Variants in CASK observed in about 807,000 individuals in gnomAD.
CASK encodes peripheral plasma membrane protein CASK.
Under a neutral mutation model 82.9 loss-of-function variants are expected in CASK, and 4 were observed. That is an observed-to-expected ratio of 0.05 (90% CI 0.02 to 0.11). CASK has a LOEUF of 0.11. Among genes scored for constraint, CASK ranks in the 10% least tolerant of loss-of-function variants. The pLI is 1.00. For missense variants in CASK, 358 were observed against 720.9 expected (o/e 0.50, Z 5.76); for synonymous variants, 259 against 253.5 (o/e 1.02, Z -0.20).
chrX:41,811,743 C>G (rs1393874282), intron 2 of CASK, among the ~76,000 whole-genome samples: 1 of 111,466 alleles, frequency 9.0e-6, no homozygotes, highest in Non-Finnish European at 1.9e-5. Flanking sequence ...AAGATCAGAG[C>G]AGAACTAAAG....
intron 15 of CASK, among the ~76,000 whole-genome samples, chrX:41,576,438 C>G (rs2065487426): frequency 9.0e-6 from 1 of 111,027 alleles, no homozygotes; most frequent in South Asian, 3.8e-4. Flanking sequence ...ACCTTCCTGC[C>G]TCTCCAACAC....
At chrX:41,642,410 G>T (rs1318208154) in intron 8 of CASK, among the ~76,000 whole-genome samples, 1 of 111,828 alleles carries the variant, frequency 8.9e-6, no homozygotes, top group Non-Finnish European at 1.9e-5. Context: ...AGCACCTGTT[G>T]TTTCCTGACT....
Position 41,909,238 on chromosome X carries a change from A to T in CASK, c.59+13692T>A, listed in dbSNP as rs770556827. On this transcript the variant is annotated intron_variant, in intron 1 of 26. Transcript: ENST00000378163. ...CACACTTTGAAAACCACTGATCTAAACCTCACTGACTAAACAGGATGTTCA... is the reference window on the plus strand; with the variant it reads ...CACACTTTGAAAACCACTGATCTAATCCTCACTGACTAAACAGGATGTTCA... 8.4e-4 allele frequency among the ~76,000 whole-genome samples: 94 copies of T among 112,182 alleles called. 1 individual carries two copies. The highest frequency in any genetic ancestry group is 4.3e-3 in the Admixed American group (46 of 10,600).
intron 2 of CASK, among the ~76,000 whole-genome samples, chrX:41,830,986 T>C (rs193072568): frequency 9.0e-5 from 10 of 110,892 alleles, no homozygotes; most frequent in African/African-American, 3.3e-4. Flanking sequence ...GTTTATCAAC[T>C]GTCACACTGT....
intron 8 of CASK, among the ~76,000 whole-genome samples, chrX:41,642,515 C>T (rs2066676841): frequency 8.9e-6 from 1 of 112,289 alleles, no homozygotes. Context: ...AGCATTTTTT[C>T]AGGTGTCTGT....
intron 3 of CASK, among the ~76,000 whole-genome samples, chrX:41,756,810 G>A (rs767061351): frequency 8.9e-6 from 1 of 112,282 alleles, no homozygotes; most frequent in East Asian, 2.8e-4. Context: ...CACACAGCTT[G>A]TAAGGGGTAG....
At chrX:41,610,591 C>T (rs750952427) in intron 11 of CASK, among the ~76,000 whole-genome samples, 1 of 111,459 alleles carries the variant, frequency 9.0e-6, no homozygotes, top group Admixed American at 9.6e-5. Context: ...TCAAGAGATC[C>T]AAAGTCATTC....
In CASK at chrX:41,668,627, C is replaced by T. The variant is rs796773868; in HGVS notation, c.532+2801G>A. On this transcript the variant is annotated intron_variant, in intron 6 of 26. Transcript: ENST00000378163. ...TTTAAATGATTTTTACTATATGCAACATATAAAGAAATGAATTCCTTTCTA... is the reference window on the plus strand; with the variant it reads ...TTTAAATGATTTTTACTATATGCAATATATAAAGAAATGAATTCCTTTCTA... Among the ~76,000 whole-genome samples, 3 of 111,721 alleles carry T rather than the reference C, an allele frequency of 2.7e-5. No homozygotes were observed. The Admixed American group carries it at 2.9e-4, about 11-fold the overall frequency.
intron 2 of CASK, among the ~76,000 whole-genome samples, chrX:41,821,165 T>C (rs915897674): frequency 5.4e-5 from 6 of 111,676 alleles, no homozygotes; most frequent in Admixed American, 2.9e-4. Context: ...TGGGAAAACA[T>C]ATTTGCAATA....
At chrX:41,718,582 C>A (rs147371494) in intron 5 of CASK, among the ~76,000 whole-genome samples, 1 of 112,420 alleles carries the variant, frequency 8.9e-6, no homozygotes, top group Non-Finnish European at 1.9e-5. Context: ...AATCCCCACA[C>A]ATTTGGTCAC....
intron 4 of CASK, among the ~76,000 whole-genome samples, chrX:41,744,118 C>T (rs1027757628): frequency 4.7e-5 from 5 of 105,997 alleles, no homozygotes; most frequent in Admixed American, 2.0e-4. Context: ...CCCCGCCGCC[C>T]GCACCCCCCG....
intron 3 of CASK, among the ~76,000 whole-genome samples, chrX:41,773,996 A>G (rs1270581753): frequency 8.9e-6 from 1 of 112,009 alleles, no homozygotes; most frequent in Non-Finnish European, 1.9e-5. Context: ...AATAAATCTT[A>G]GCTTACTATA....
chrX:41,603,233 A>G (rs773089623), intron 12 of CASK, among the ~76,000 whole-genome samples: 9 of 112,432 alleles, frequency 8.0e-5, no homozygotes, highest in Non-Finnish European at 1.3e-4. Context: ...CTAACATTGT[A>G]TTTAACTTAC....
chrX:41,916,100 C>A (rs768049078), intron 1 of CASK, among the ~76,000 whole-genome samples: 37 of 111,247 alleles, frequency 3.3e-4, no homozygotes, highest in Non-Finnish European at 6.0e-4. Flanking sequence ...TCACTTGAAC[C>A]CAGGAGGCGG....
intron 15 of CASK, among the ~76,000 whole-genome samples, chrX:41,572,927 T>C (rs1161279695): frequency 9.0e-6 from 1 of 110,709 alleles, no homozygotes; most frequent in East Asian, 2.8e-4. Context: ...CTTCTTGTTC[T>C]TGAAAGATAC....
intron 21 of CASK, among the ~76,000 whole-genome samples, chrX:41,548,336 G>A (rs769460087): frequency 3.6e-5 from 4 of 111,298 alleles, no homozygotes; most frequent in Non-Finnish European, 5.7e-5. Flanking sequence ...TTTTGCTGAG[G>A]ATTTTTACTT....
intron 2 of CASK, among the ~76,000 whole-genome samples, chrX:41,807,785 C>T (rs188085148): frequency 2.7e-5 from 3 of 111,620 alleles, no homozygotes; most frequent in East Asian, 2.8e-4. Context: ...AGCCCACTCT[C>T]GCGATAACAA....
intron 3 of CASK, among the ~76,000 whole-genome samples, chrX:41,773,456 G>C (rs749328049): frequency 2.7e-5 from 3 of 109,114 alleles, no homozygotes. Context: ...TATGTAAAAA[G>C]GATTATGAAG....
At chrX:41,900,814 C>T (rs1392666618) in intron 1 of CASK, among the ~76,000 whole-genome samples, 1 of 97,343 alleles carries the variant, frequency 1.0e-5, no homozygotes, top group Non-Finnish European at 2.0e-5. Flanking sequence ...GGCATGACCT[C>T]GGCTCACTGT....
Sources: gnomAD v4.1 joint callset for allele counts (sites outside exome capture counted in the v4.1 genomes callset) on GRCh38, gnomAD v4.1.1 for gene constraint, MANE v1.5 for transcripts, NCBI Gene and HGNC (gene_info 2026-07-23, HGNC 2026-07-21) for gene names.